The following PCDHGA3 variants were observed in gnomAD, a reference collection of about 807,000 sequenced individuals.
The protein encoded by PCDHGA3 is protocadherin gamma subfamily A, 3.
A neutral mutation model predicts 58.5 loss-of-function variants in PCDHGA3; 40 were observed. That is an observed-to-expected ratio of 0.68 (90% confidence interval 0.53 to 0.89). The LOEUF is 0.89. Ranked by LOEUF, PCDHGA3 falls within the 40% of genes least tolerant of loss-of-function variation. The pLI is 0.00. For synonymous variants in PCDHGA3, 530 were observed against 525.7 expected, an observed-to-expected ratio of 1.01 and a Z score of -0.11; for missense variants, 1,223 against 1,195.9, an observed-to-expected ratio of 1.02 and a Z score of -0.33.
chr5:141,487,143 C>T lies in PCDHGA3; in HGVS notation c.2425-7664C>T. Reference sequence around the variant, plus strand: ...GATAGTGGTAGTCCACCACTCTCTACCTCTGTTACTCTCTTAGTGTCCTTA... The same window carrying T: ...GATAGTGGTAGTCCACCACTCTCTATCTCTGTTACTCTCTTAGTGTCCTTA... On this transcript the variant is annotated intron_variant, in intron 1 of 3. Coordinates refer to ENST00000253812, the MANE Select transcript of PCDHGA3 (RefSeq NM_018916.4). This position sits in a 1 kb window ranked among gnomAD's most constrained non-coding sequence, Gnocchi z 5.0. 1.2e-6 allele frequency: 2 copies of T among 1,614,028 alleles called. No homozygotes were observed. Among genetic ancestry groups the T allele is most frequent in the Non-Finnish European group, 1.7e-6 (2 of 1,179,862 alleles).
intron 1 of PCDHGA3, among the ~76,000 whole-genome samples, chr5:141,433,497 C>G (rs2097615154): frequency 6.6e-6 from 1 of 152,076 alleles, no homozygotes; most frequent in Non-Finnish European, 1.5e-5. Flanking sequence ...CCCTCCCAAA[C>G]TGCTGGGATT....
In PCDHGA3 at chr5:141,474,958, C is replaced by T. The variant is rs114469479; in HGVS notation, c.2425-19849C>T. On this transcript the variant is annotated intron_variant, in intron 1 of 3. Transcript: ENST00000253812. ...CACAGTGGACTCTTTTATTCACTAT[C>T]CTAATCATTATAATTTTGTTTGGTG... is the stretch of plus-strand genomic sequence containing the variant. Among the ~76,000 whole-genome samples the T allele has an allele frequency of 4.4e-3, 666 of 152,340 alleles. 6 individuals are homozygous for T. The highest frequency in any genetic ancestry group is 0.015 in the African/African-American group (634 of 41,572).
chr5:141,465,893 C>T (rs926928579), intron 1 of PCDHGA3, among the ~76,000 whole-genome samples: 23 of 152,078 alleles, frequency 1.5e-4, no homozygotes, highest in Middle Eastern at 3.4e-3. Context: ...GAGGCCGAGG[C>T]GGGCAAATCA....
In PCDHGA3 at chr5:141,355,188, C is replaced by T. The variant is rs779562339; in HGVS notation, c.2424+8731C>T. On this transcript the variant is annotated intron_variant, in intron 1 of 3. Coordinates refer to ENST00000253812, the MANE Select transcript of PCDHGA3 (RefSeq NM_018916.4). ...GAAAACCGAAGCACAGGCGACTCCG[C>T]GGCGGGGTTGTAATGGCGGCGCCTC... 35 of 1,589,838 alleles carry T rather than the reference C, an allele frequency of 2.2e-5. No homozygotes were observed. In the Admixed American group the frequency reaches 2.3e-4, roughly 10 times the overall value.
chr5:141,431,408 G>T lies in PCDHGA3; in HGVS notation c.2425-63399G>T, dbSNP rs1270461546. On this transcript the variant is annotated intron_variant, in intron 1 of 3. Coordinates refer to ENST00000253812, the MANE Select transcript of PCDHGA3 (RefSeq NM_018916.4). The surrounding 1 kb of genome is among the most constrained non-coding windows in gnomAD (Gnocchi z 4.8). ...CCACCTGGTCCTTACGGCCTCCGAC[G>T]GGGGCGACCCGGTGCGCACAGGCAC... 4 of 1,613,600 alleles carry T rather than the reference G, an allele frequency of 2.5e-6. No individual in the cohort carries two copies. Among genetic ancestry groups the T allele is most frequent in the Non-Finnish European group, 3.4e-6 (4 of 1,180,038 alleles).
At chr5:141,451,198 C>T (rs1415589731) in intron 1 of PCDHGA3, among the ~76,000 whole-genome samples, 1 of 152,114 alleles carries the variant, frequency 6.6e-6, no homozygotes, top group Non-Finnish European at 1.5e-5. Context: ...AACAAATTAT[C>T]CCAAAACTTA....
intron 1 of PCDHGA3, chr5:141,427,240 C>G (rs1447231420): frequency 1.3e-5 from 6 of 456,536 alleles, no homozygotes; most frequent in Non-Finnish European, 2.6e-5. Context: ...AGAGTAGAAG[C>G]TAAGGATGGT....
At chr5:141,380,262 A>G (rs1183031008) in intron 1 of PCDHGA3, among the ~76,000 whole-genome samples, 3 of 152,232 alleles carry the variant, frequency 2.0e-5, no homozygotes, top group African/African-American at 7.2e-5. Flanking sequence ...GGGAAGGAGT[A>G]AAATCTCAGA....
intron 1 of PCDHGA3, chr5:141,400,747 G>A: frequency 1.7e-6 from 1 of 602,780 alleles, no homozygotes; most frequent in Non-Finnish European, 2.9e-6. Flanking sequence ...TTTGCTCTTA[G>A]CTTCCTCTCT....
At position 141,489,545 on chromosome 5, in the gene PCDHGA3, G is replaced by A. The variant is rs1396651116; in HGVS notation, c.2425-5262G>A. On this transcript the variant is annotated intron_variant, in intron 1 of 3. Transcript: ENST00000253812. The surrounding 1 kb of genome is among the most constrained non-coding windows in gnomAD (Gnocchi z 4.5). ...AGCCTATGTGGAGCCAGCACCAGCT[G>A]CCTGCTGCCAGTGCAGGTGGTGACT... 3 of 1,613,984 alleles carry A rather than the reference G, an allele frequency of 1.9e-6. No individual in the cohort carries two copies. The highest frequency in any genetic ancestry group is 2.5e-6 in the Non-Finnish European group (3 of 1,180,022).
chr5:141,447,301 G>A (rs557269538), intron 1 of PCDHGA3, among the ~76,000 whole-genome samples: 39 of 152,060 alleles, frequency 2.6e-4, no homozygotes, highest in Non-Finnish European at 1.5e-4. Flanking sequence ...CACCACACCC[G>A]GCTAATTTTT....
chr5:141,483,750 A>G (rs1453478545), intron 1 of PCDHGA3, among the ~76,000 whole-genome samples: 1 of 152,138 alleles, frequency 6.6e-6, no homozygotes, highest in African/African-American at 2.4e-5. Flanking sequence ...ATTCCTGAGG[A>G]TCGAGGCTTG....
chr5:141,389,270 C>A, intron 1 of PCDHGA3: 1 of 1,614,004 alleles, frequency 6.2e-7, no homozygotes, highest in Non-Finnish European at 8.5e-7. Flanking sequence ...TGGCCGAGAA[C>A]AACCCGCCTG....
intron 1 of PCDHGA3, among the ~76,000 whole-genome samples, chr5:141,353,321 C>T (rs941282314): frequency 6.6e-6 from 1 of 152,020 alleles, no homozygotes; most frequent in Non-Finnish European, 1.5e-5. Context: ...AGAGTTCTTC[C>T]CACCCAAGTT....
At chr5:141,377,657 C>T (rs946526132) in intron 1 of PCDHGA3, 5 of 151,160 alleles carry the variant, frequency 3.3e-5, no homozygotes, top group East Asian at 1.9e-4. Flanking sequence ...TAACTATAAA[C>T]GACAGACGTT....
intron 1 of PCDHGA3, chr5:141,357,460 T>G: frequency 6.2e-7 from 1 of 1,614,166 alleles, no homozygotes; most frequent in Non-Finnish European, 8.5e-7. Flanking sequence ...GCAGACCTAT[T>G]CCCACGAGGT....
Position 141,344,948 on chromosome 5 carries a change from A to C in PCDHGA3, c.915A>C (p.Lys305Asn). The stretch of plus-strand genomic sequence containing the variant: ...TGAGTGGAGAAGTATCAATATTAAA[A>C]AGTCTAGATTATGAGGATGCCATGT... ...NSVSGEVSIL[K>N]SLDYEDAMFY... The change falls in exon 1 of 4, where the codon AAA (lysine) becomes AAC (asparagine). Residue 305 changes from lysine (K) to asparagine (N), a missense_variant. Physicochemically the swap from Lys to Asn is moderately conservative, Grantham distance 94. Coordinates refer to ENST00000253812, the MANE Select transcript of PCDHGA3 (RefSeq NM_018916.4). The C allele has an allele frequency of 6.2e-7, 1 of 1,613,890 alleles. No individual in the cohort carries two copies. Among genetic ancestry groups the C allele is most frequent in the Non-Finnish European group, 8.5e-7 (1 of 1,179,806 alleles).
chr5:141,349,794 T>G (rs1381882948), intron 1 of PCDHGA3, among the ~76,000 whole-genome samples: 1 of 152,176 alleles, frequency 6.6e-6, no homozygotes, highest in East Asian at 1.9e-4. Flanking sequence ...ACTGAAGATT[T>G]TTTTTTACCC....
rs1482322150 is a variant in PCDHGA3, at chr5:141,485,119, C to T, written c.2425-9688C>T. On this transcript the variant is annotated intron_variant, in intron 1 of 3. Transcript: ENST00000253812. This position sits in a 1 kb window ranked among gnomAD's most constrained non-coding sequence, Gnocchi z 5.7. ...CTCCAGCTGCTGTGGCTGTTTGGGGCGGGTCGGCTTCATCCGCGTCTCAGG... is the reference window on the plus strand; with the variant it reads ...CTCCAGCTGCTGTGGCTGTTTGGGGTGGGTCGGCTTCATCCGCGTCTCAGG... 9.8e-6 allele frequency: 13 copies of T among 1,328,806 alleles called. No individual in the cohort carries two copies. The East Asian group carries it at 1.8e-4, about 19-fold the overall frequency. 82.3% of individuals were successfully genotyped at this position (1,328,806 alleles called of 1,614,324 possible). A position where few individuals can be genotyped will look rare whatever the true frequency, so the allele number is the denominator to read the frequency against.
Sources: gnomAD v4.1 joint callset for allele counts (sites outside exome capture counted in the v4.1 genomes callset) on GRCh38, gnomAD v4.1.1 for gene constraint, Gnocchi (gnomAD v3.1) non-coding constraint, MANE v1.5 for transcripts, NCBI Gene and HGNC (gene_info 2026-07-23, HGNC 2026-07-21) for gene names.